The following CA10 variants were observed in gnomAD, a reference collection of about 807,000 sequenced individuals.
CA10 encodes carbonic anhydrase 10 (inactive), also known as carbonic anhydrase-related protein 10.
In CA10, 14 loss-of-function variants were observed where a neutral mutation model predicts 44.2. The ratio of observed to expected loss-of-function variants is 0.32; its 90% confidence interval spans 0.21 to 0.50. CA10 has a LOEUF of 0.50. CA10 is among the 20% of genes least tolerant of loss of function. The pLI is 0.99. For missense variants in CA10, 350 were observed against 409.7 expected, an observed-to-expected ratio of 0.85 and a Z score of 1.26; for synonymous variants, 159 against 141.6, an observed-to-expected ratio of 1.12 and a Z score of -0.87.
At chr17:52,003,464 G>C (rs1985498066) in intron 2 of CA10, among the ~76,000 whole-genome samples, 3 of 151,914 alleles carry the variant, frequency 2.0e-5, no homozygotes, top group African/African-American at 4.8e-5. Flanking sequence ...TGTGCTCACT[G>C]TTTCCCCGGG....
chr17:51,944,681 G>A (rs1983208682), intron 2 of CA10, among the ~76,000 whole-genome samples: 1 of 151,482 alleles, frequency 6.6e-6, no homozygotes, highest in Non-Finnish European at 1.5e-5. Context: ...TGCACTGGAG[G>A]GACAAAAAAA....
intron 3 of CA10, among the ~76,000 whole-genome samples, chr17:51,879,614 T>C (rs1257867536): frequency 2.6e-5 from 4 of 152,106 alleles, no homozygotes; most frequent in Admixed American, 1.3e-4. Context: ...TTCTGAATGA[T>C]AAAGAGCAAG....
At chr17:52,029,697 A>G (rs944589597) in intron 2 of CA10, among the ~76,000 whole-genome samples, 2 of 152,218 alleles carry the variant, frequency 1.3e-5, no homozygotes, top group African/African-American at 4.8e-5. Context: ...TCAGTCATTC[A>G]GTGACTTTCA....
At chr17:51,675,541 TC>T in intron 4 of CA10, among the ~76,000 whole-genome samples, 1 of 104,206 alleles carries the variant, frequency 9.6e-6, no homozygotes, top group East Asian at 2.8e-4. Context: ...AGAGTAAGAC[TC>T]CATCTCAAAA....
At chr17:51,646,845 AT>A (rs1412284421) in intron 6 of CA10, among the ~76,000 whole-genome samples, 4 of 152,198 alleles carry the variant, frequency 2.6e-5, no homozygotes, top group African/African-American at 7.2e-5. Context: ...ATCGGCCATC[AT>A]TATTCCTGCA....
chr17:52,022,147 G>A (rs1027745850), intron 2 of CA10, among the ~76,000 whole-genome samples: 2 of 151,826 alleles, frequency 1.3e-5, no homozygotes, highest in African/African-American at 4.8e-5. Flanking sequence ...GCAAAGACAT[G>A]ATAAAAAAAG....
At chr17:51,918,653 C>T (rs1417843096) in intron 3 of CA10, among the ~76,000 whole-genome samples, 1 of 152,130 alleles carries the variant, frequency 6.6e-6, no homozygotes, top group Non-Finnish European at 1.5e-5. Flanking sequence ...AGTAAAAACA[C>T]AACACTAATC....
intron 2 of CA10, among the ~76,000 whole-genome samples, chr17:51,993,045 A>C (rs1393185513): frequency 3.3e-5 from 5 of 152,180 alleles, no homozygotes; most frequent in African/African-American, 1.2e-4. Flanking sequence ...TTATGCAGAT[A>C]TCAGCATAAT....
At chr17:51,738,810 AGG>A (rs1904341505) in intron 4 of CA10, among the ~76,000 whole-genome samples, 3 of 152,210 alleles carry the variant, frequency 2.0e-5, no homozygotes, top group Non-Finnish European at 4.4e-5. Context: ...TGACCTAAGA[AGG>A]TTTTTTGAAT....
intron 3 of CA10, among the ~76,000 whole-genome samples, chr17:51,883,199 C>T (rs1048750232): frequency 6.6e-6 from 1 of 152,170 alleles, no homozygotes; most frequent in African/African-American, 2.4e-5. Flanking sequence ...CACACACATA[C>T]ATAAACACTC....
intron 1 of CA10, among the ~76,000 whole-genome samples, chr17:52,110,604 G>T (rs541142685): frequency 6.6e-6 from 1 of 152,316 alleles, no homozygotes; most frequent in East Asian, 1.9e-4. Context: ...AAAGAAAGGA[G>T]TTAGGGAAGT....
chr17:51,962,124 C>G (rs1176776068), intron 2 of CA10, among the ~76,000 whole-genome samples: 1 of 152,242 alleles, frequency 6.6e-6, no homozygotes, highest in Non-Finnish European at 1.5e-5. Context: ...GGATTATAAG[C>G]CTGAACTGCC....
chr17:51,654,747 G>T (rs918784648), intron 4 of CA10, among the ~76,000 whole-genome samples: 3 of 151,906 alleles, frequency 2.0e-5, no homozygotes, highest in Non-Finnish European at 1.5e-5. Flanking sequence ...TAGTAGAGAC[G>T]GGGTTTCACC....
intron 1 of CA10, among the ~76,000 whole-genome samples, chr17:52,143,914 T>C (rs1335357655): frequency 6.6e-6 from 1 of 152,300 alleles, no homozygotes; most frequent in Admixed American, 6.5e-5. Context: ...TTAACATCAA[T>C]ACAGTATTTA....
At chr17:52,140,274 T>C (rs889248018) in intron 1 of CA10, among the ~76,000 whole-genome samples, 2 of 152,364 alleles carry the variant, frequency 1.3e-5, no homozygotes, top group African/African-American at 4.8e-5. Flanking sequence ...TAATGTATTA[T>C]GCTTCTAGAG....
intron 3 of CA10, among the ~76,000 whole-genome samples, chr17:51,858,105 T>TA (rs1317613461): frequency 6.6e-6 from 1 of 152,200 alleles, no homozygotes; most frequent in Admixed American, 6.5e-5. Context: ...ACTCATTATA[T>TA]ATCTCTCTGG....
At chr17:51,887,758 A>G (rs1598101118) in intron 3 of CA10, among the ~76,000 whole-genome samples, 1 of 151,950 alleles carries the variant, frequency 6.6e-6, no homozygotes, top group Admixed American at 6.6e-5. Context: ...TTGGGAGGCC[A>G]AGGCAGGTGG....
intron 6 of CA10, among the ~76,000 whole-genome samples, chr17:51,645,568 C>T (rs1913296659): frequency 6.6e-6 from 1 of 152,136 alleles, no homozygotes; most frequent in South Asian, 2.1e-4. Flanking sequence ...CAAGTGGAGG[C>T]ACATGCAAAT....
chr17:52,040,577 C>G (rs4793730), intron 2 of CA10, among the ~76,000 whole-genome samples: 9 of 152,118 alleles, frequency 5.9e-5, no homozygotes, highest in Admixed American at 1.3e-4. Context: ...GGACAGCAGG[C>G]TATGCAGGAC....
Sources: gnomAD v4.1 joint callset for allele counts (sites outside exome capture counted in the v4.1 genomes callset) on GRCh38, gnomAD v4.1.1 for gene constraint, MANE v1.5 for transcripts, NCBI Gene and HGNC (gene_info 2026-07-23, HGNC 2026-07-21) for gene names.